Variants in ROBO2 observed in about 807,000 individuals in gnomAD.
The protein encoded by ROBO2 is roundabout homolog 2.
Under a neutral mutation model 160.8 loss-of-function variants are expected in ROBO2, and 53 were observed. The observed-to-expected ratio is 0.33, with a 90% CI of 0.26 to 0.41. ROBO2 has a LOEUF of 0.41. Ranked by LOEUF, ROBO2 falls within the 10% of genes least tolerant of loss-of-function variation. The pLI is 1.00. For missense variants in ROBO2, 1,577 were observed against 1,722.4 expected (o/e 0.92, Z 1.49); for synonymous variants, 664 against 611.7 (o/e 1.09, Z -1.26).
At chr3:76,135,936 T>C (rs1403592169) in intron 2 of ROBO2, among the ~76,000 whole-genome samples, 1 of 141,004 alleles carries the variant, frequency 7.1e-6, no homozygotes, top group Non-Finnish European at 1.5e-5. Flanking sequence ...CAAATGTTTA[T>C]TTTACTACAA....
chr3:76,412,178 A>G (rs541478958), intron 2 of ROBO2, among the ~76,000 whole-genome samples: 1 of 152,258 alleles, frequency 6.6e-6, no homozygotes, highest in African/African-American at 2.4e-5. Context: ...TTTATTGACT[A>G]TCACCAGAAT....
At chr3:76,624,286 G>A (rs975972190) in intron 2 of ROBO2, among the ~76,000 whole-genome samples, 2 of 152,144 alleles carry the variant, frequency 1.3e-5, no homozygotes, top group South Asian at 2.1e-4. Flanking sequence ...GGCAGAACCT[G>A]GTAAGTGGTG....
chr3:77,170,360 T>C (rs1305605913), intron 2 of ROBO2, among the ~76,000 whole-genome samples: 2 of 151,712 alleles, frequency 1.3e-5, no homozygotes, highest in East Asian at 3.9e-4. Context: ...GATCTAATTA[T>C]ATATATATTT....
At chr3:76,945,264 T>G (rs2149134526) in intron 2 of ROBO2, among the ~76,000 whole-genome samples, 1 of 152,284 alleles carries the variant, frequency 6.6e-6, no homozygotes, top group South Asian at 2.1e-4. Context: ...AATAAGCATT[T>G]AATGAATGTT....
At chr3:76,072,333 C>T (rs1008477918) in intron 2 of ROBO2, among the ~76,000 whole-genome samples, 5 of 151,750 alleles carry the variant, frequency 3.3e-5, no homozygotes, top group Non-Finnish European at 5.9e-5. Flanking sequence ...AACATTGTGT[C>T]GAAACTTTTT....
chr3:76,987,339 A>G (rs2060435907), intron 2 of ROBO2, among the ~76,000 whole-genome samples: 1 of 152,158 alleles, frequency 6.6e-6, no homozygotes. Context: ...TCAGTTCCAC[A>G]CTGCCGTGTA....
chr3:77,130,483 G>T (rs755737497), intron 2 of ROBO2, among the ~76,000 whole-genome samples: 2 of 152,146 alleles, frequency 1.3e-5, no homozygotes, highest in African/African-American at 4.8e-5. Context: ...TTAAAATGAT[G>T]TATAACATAA....
intron 2 of ROBO2, among the ~76,000 whole-genome samples, chr3:76,453,848 C>T (rs2077606630): frequency 6.6e-6 from 1 of 151,984 alleles, no homozygotes; most frequent in African/African-American, 2.4e-5. Context: ...AATAGCTCCC[C>T]AATTAAAGCT....
intron 2 of ROBO2, among the ~76,000 whole-genome samples, chr3:77,419,042 T>G (rs924216056): frequency 1.3e-4 from 20 of 152,268 alleles, no homozygotes; most frequent in African/African-American, 4.1e-4. Context: ...GTTTGGTTCT[T>G]TCTGGAGACT....
intron 2 of ROBO2, among the ~76,000 whole-genome samples, chr3:76,535,294 T>C (rs1402769555): frequency 1.3e-5 from 2 of 151,864 alleles, no homozygotes; most frequent in Admixed American, 6.6e-5. Flanking sequence ...ATGGATAGGA[T>C]AGGGGAGATG....
At chr3:76,135,053 A>C (rs766997221) in intron 2 of ROBO2, among the ~76,000 whole-genome samples, 1 of 152,034 alleles carries the variant, frequency 6.6e-6, no homozygotes, top group South Asian at 2.1e-4. Context: ...CCATCTCTGA[A>C]TTAGCTTTTG....
chr3:76,647,728 G>C (rs2091049333), intron 2 of ROBO2, among the ~76,000 whole-genome samples: 1 of 151,990 alleles, frequency 6.6e-6, no homozygotes, highest in African/African-American at 2.4e-5. Flanking sequence ...AGAATCGCCT[G>C]TCTGGGGAGG....
At chr3:75,986,792 A>G (rs1419252722) in intron 2 of ROBO2, among the ~76,000 whole-genome samples, 2 of 149,906 alleles carry the variant, frequency 1.3e-5, no homozygotes, top group African/African-American at 2.4e-5. Flanking sequence ...CCACCATCCC[A>G]CCATCTTTTT....
intron 2 of ROBO2, among the ~76,000 whole-genome samples, chr3:76,967,404 G>T (rs1007193806): frequency 2.0e-5 from 3 of 150,106 alleles, no homozygotes; most frequent in Admixed American, 6.7e-5. Context: ...TGGAGTTTCC[G>T]CCATGTTGCC....
At chr3:77,363,015 G>A (rs575819206) in intron 2 of ROBO2, among the ~76,000 whole-genome samples, 27 of 152,030 alleles carry the variant, frequency 1.8e-4, no homozygotes, top group Non-Finnish European at 2.6e-4. Flanking sequence ...ATTTGGGTGG[G>A]GACACAGTCA....
intron 2 of ROBO2, among the ~76,000 whole-genome samples, chr3:76,569,018 C>T (rs769639265): frequency 2.0e-5 from 3 of 152,100 alleles, no homozygotes; most frequent in Non-Finnish European, 4.4e-5. Context: ...ATTTAGATAT[C>T]GATTATTCAA....
At chr3:76,722,034 G>T (rs1340435816) in intron 2 of ROBO2, among the ~76,000 whole-genome samples, 1 of 152,148 alleles carries the variant, frequency 6.6e-6, no homozygotes, top group African/African-American at 2.4e-5. Flanking sequence ...GAATGAAATA[G>T]GTTTCCAGGT....
chr3:76,131,475 G>C (rs1230356431), intron 2 of ROBO2, among the ~76,000 whole-genome samples: 1 of 152,098 alleles, frequency 6.6e-6, no homozygotes, highest in Non-Finnish European at 1.5e-5. Flanking sequence ...AGTGAACTGA[G>C]ACAATGCCCA....
intron 2 of ROBO2, among the ~76,000 whole-genome samples, chr3:76,210,826 C>A (rs750666347): frequency 6.6e-6 from 1 of 151,966 alleles, no homozygotes; most frequent in Non-Finnish European, 1.5e-5. Flanking sequence ...TCTTATTTAT[C>A]GACATTCAGG....
Sources: gnomAD v4.1 joint callset for allele counts (sites outside exome capture counted in the v4.1 genomes callset) on GRCh38, gnomAD v4.1.1 for gene constraint, MANE v1.5 for transcripts, NCBI Gene and HGNC (gene_info 2026-07-23, HGNC 2026-07-21) for gene names.